SVIL: variants seen among roughly 807,000 people sequenced by gnomAD.
The protein encoded by SVIL is archvillin.
In SVIL, 101 loss-of-function variants were observed where a neutral mutation model predicts 240.4. The ratio of observed to expected loss-of-function variants is 0.42; its 90% CI spans 0.36 to 0.50. The LOEUF is 0.50. Ranked by LOEUF, SVIL falls within the 20% of genes least tolerant of loss-of-function variation. The pLI, the probability that SVIL is intolerant of heterozygous loss-of-function variation, is 0.01. For missense variants in SVIL, 2,512 were observed against 2,818.7 expected, an observed-to-expected ratio of 0.89 and a Z score of 2.46; for synonymous variants, 999 against 1,100.0, an observed-to-expected ratio of 0.91 and a Z score of 1.82.
intron 1 of SVIL, among the ~76,000 whole-genome samples, chr10:29,574,952 A>G (rs947546425): frequency 6.6e-6 from 1 of 152,248 alleles, no homozygotes; most frequent in African/African-American, 2.4e-5. Context: ...CATAAGGCTC[A>G]GAGAGAAGTC....
At chr10:29,605,873 G>A (rs1241321189) in intron 1 of SVIL, among the ~76,000 whole-genome samples, 1 of 151,848 alleles carries the variant, frequency 6.6e-6, no homozygotes, top group Admixed American at 6.6e-5. Context: ...CCACAGCTAT[G>A]AAGAAATTCT....
At chr10:29,733,742 G>T (rs757873462) in intron 1 of SVIL, among the ~76,000 whole-genome samples, 1 of 152,208 alleles carries the variant, frequency 6.6e-6, no homozygotes, top group Non-Finnish European at 1.5e-5. Context: ...CCTCATCAGC[G>T]TGCCTGGCTG....
intron 1 of SVIL, among the ~76,000 whole-genome samples, chr10:29,630,192 C>T (rs1308611751): frequency 1.3e-5 from 2 of 151,966 alleles, no homozygotes; most frequent in Non-Finnish European, 2.9e-5. Flanking sequence ...CAGGACCCAC[C>T]CGGAGCTCTG....
At position 29,457,540 on chromosome 10, in the gene SVIL, C is replaced by T. The variant is rs1269199002; in HGVS notation, c.*707G>A. 1 of 152,526 alleles carries T rather than the reference C, an allele frequency of 6.6e-6. No homozygotes were observed. The highest frequency in any genetic ancestry group is 1.9e-4 in the East Asian group (1 of 5,192). 9.4% of individuals were successfully genotyped at this position (152,526 alleles called of 1,614,324 possible). A position where few individuals can be genotyped will look rare whatever the true frequency, so the allele number is the denominator to read the frequency against. On this transcript the variant is annotated 3_prime_UTR_variant, in exon 38 of 38. Transcript: ENST00000355867. ...CAAACTTTTCTGTATATAAACTGTA[C>T]ATAAAAACAAGGCACTATACATTTT...
intron 1 of SVIL, among the ~76,000 whole-genome samples, chr10:29,594,288 A>G (rs148190037): frequency 2.6e-5 from 1 of 38,002 alleles, no homozygotes; most frequent in East Asian, 3.5e-4. Flanking sequence ...AAGATCTGAA[A>G]CACTCCTAGG....
intron 1 of SVIL, among the ~76,000 whole-genome samples, chr10:29,710,213 C>T (rs1049343930): frequency 2.0e-5 from 3 of 152,056 alleles, no homozygotes; most frequent in Non-Finnish European, 4.4e-5. Context: ...GCCACCATGC[C>T]CGGCTACCTT....
At chr10:29,467,344 GGAAA>G (rs1263591139) in intron 33 of SVIL, 11 of 160,574 alleles carry the variant, frequency 6.9e-5, no homozygotes, top group East Asian at 1.8e-4. Context: ...GCAGCTATGA[GGAAA>G]GAAAGAAAAT....
chr10:29,608,671 T>C (rs1957118128), intron 1 of SVIL, among the ~76,000 whole-genome samples: 1 of 152,198 alleles, frequency 6.6e-6, no homozygotes. Flanking sequence ...TTTCTGGACT[T>C]CGGGCAGTGA....
chr10:29,658,026 T>C (rs1420439444), exon 3 of SVIL: 1 of 152,226 alleles, frequency 6.6e-6, no homozygotes, highest in Non-Finnish European at 1.5e-5. Flanking sequence ...AATCATCATA[T>C]CTCAGCTTTT....
chr10:29,508,766 TCA>T (rs1215180409), intron 17 of SVIL, among the ~76,000 whole-genome samples: 3 of 152,192 alleles, frequency 2.0e-5, no homozygotes, highest in Non-Finnish European at 1.5e-5. Flanking sequence ...TACACTGACC[TCA>T]CAGCTGCAGA....
rs144125841 is a variant in SVIL at position 29,496,959 on chromosome 10, G to A, written c.3665-1778C>T. On this transcript the variant is annotated intron_variant, in intron 18 of 37. Coordinates refer to ENST00000355867, the MANE Select transcript of SVIL (RefSeq NM_021738.3). ...TCTACTTAGTCACCCTGCACCTAAC[G>A]ACGTGCTTCTGTTAAAGAAGGGTTG... Among the ~76,000 whole-genome samples the A allele has an allele frequency of 4.3e-3, 649 of 152,294 alleles. 2 individuals are homozygous for A. Among genetic ancestry groups the A allele is most frequent in the African/African-American group, 0.015 (615 of 41,568 alleles).
At chr10:29,480,307 A>G (rs969790418) in intron 29 of SVIL, among the ~76,000 whole-genome samples, 16 of 152,148 alleles carry the variant, frequency 1.1e-4, no homozygotes, top group East Asian at 1.9e-4. Context: ...TGCAAGTTCA[A>G]TTTCTACAGG....
In SVIL at chr10:29,524,546, TG is replaced by T. The variant is rs771864978; in HGVS notation, c.2511del (p.Asn837LysfsTer3). 2 of 1,614,170 alleles carry T rather than the reference TG, an allele frequency of 1.2e-6. No individual in the cohort carries two copies. The highest frequency in any genetic ancestry group is 1.7e-6 in the Non-Finnish European group (2 of 1,180,044). ...QPVSKAISTR[N>X]RIDTRQRRMN... ...ATTCTCCTCTGTCTCGTGTCTATTCTGTTCCGGGTAGAAATCGCTTTTGAGA... is the reference window on the plus strand; with the variant it reads ...ATTCTCCTCTGTCTCGTGTCTATTCTTTCCGGGTAGAAATCGCTTTTGAGA... On this transcript the variant is annotated frameshift_variant, in exon 14 of 38. Transcript: ENST00000355867. LOFTEE classifies it high-confidence loss of function.
chr10:29,564,014 G>A lies in SVIL; in HGVS notation c.-142-722C>T, dbSNP rs142256546. On this transcript the variant is annotated intron_variant, in intron 2 of 37. Coordinates refer to ENST00000355867, the MANE Select transcript of SVIL (RefSeq NM_021738.3). Reference sequence around the variant, plus strand: ...CCCTAAGAGGTACGAACTACTCAGCGAGGTGCTGATAAAGGTACGAATGGC... The same window carrying A: ...CCCTAAGAGGTACGAACTACTCAGCAAGGTGCTGATAAAGGTACGAATGGC... Among the ~76,000 whole-genome samples the A allele has an allele frequency of 1.4e-3, 207 of 152,152 alleles. 2 individuals carry two copies. The highest frequency in any genetic ancestry group is 4.8e-3 in the African/African-American group (199 of 41,496).
intron 1 of SVIL, among the ~76,000 whole-genome samples, chr10:29,619,199 T>C (rs1247419): frequency 0.85 from 129,655 of 152,212 alleles, 55,583 homozygotes; most frequent in Non-Finnish European, 0.89. Flanking sequence ...CGTTTACATT[T>C]TATGAGATAC....
intron 17 of SVIL, among the ~76,000 whole-genome samples, chr10:29,503,342 A>C (rs1463451692): frequency 1.3e-5 from 2 of 152,238 alleles, no homozygotes; most frequent in African/African-American, 4.8e-5. Flanking sequence ...CCAGCTCCTA[A>C]GATGAAAGGA....
intron 16 of SVIL, among the ~76,000 whole-genome samples, chr10:29,513,594 T>A (rs563019199): frequency 1.3e-5 from 2 of 152,148 alleles, no homozygotes; most frequent in Non-Finnish European, 2.9e-5. Flanking sequence ...TCTCTTAATA[T>A]CATCCCTTTC....
At chr10:29,640,720 G>A (rs1958456256) in intron 3 of SVIL, among the ~76,000 whole-genome samples, 1 of 152,172 alleles carries the variant, frequency 6.6e-6, no homozygotes, top group Non-Finnish European at 1.5e-5. Context: ...TCAGATCTCA[G>A]CAGTCACTAA....
At chr10:29,509,223 G>A (rs534539336) in intron 17 of SVIL, among the ~76,000 whole-genome samples, 1 of 151,682 alleles carries the variant, frequency 6.6e-6, no homozygotes, top group East Asian at 2.0e-4. Context: ...TTTAAGTCAG[G>A]TTAGCCTGGC....
Sources: gnomAD v4.1 joint callset for allele counts (sites outside exome capture counted in the v4.1 genomes callset) on GRCh38, gnomAD v4.1.1 for gene constraint, MANE v1.5 for transcripts, NCBI Gene and HGNC (gene_info 2026-07-23, HGNC 2026-07-21) for gene names.